The following PCDHGA8 variants were observed in gnomAD, a reference collection of about 807,000 sequenced individuals.
The protein encoded by PCDHGA8 is protocadherin gamma subfamily A, 8.
PCDHGA8 carries 45 observed loss-of-function variants against 59.2 expected under a neutral mutation model. The ratio of observed to expected loss-of-function variants is 0.76; its 90% CI spans 0.60 to 0.98. PCDHGA8 has a LOEUF of 0.98. Ranked by LOEUF, PCDHGA8 falls within the 50% of genes least tolerant of loss-of-function variation. PCDHGA8 has a pLI of 0.00. For synonymous variants in PCDHGA8, 531 were observed against 519.0 expected, an observed-to-expected ratio of 1.02 and a Z score of -0.32; for missense variants, 1,257 against 1,196.2, an observed-to-expected ratio of 1.05 and a Z score of -0.75.
At chr5:141,399,511 C>T in intron 1 of PCDHGA8, 1 of 1,614,042 alleles carries the variant, frequency 6.2e-7, no homozygotes, top group Non-Finnish European at 8.5e-7. Context: ...CGAAAACAAC[C>T]CTCCTGGGGC....
At chr5:141,442,358 A>C (rs2098318223) in intron 1 of PCDHGA8, 1 of 152,304 alleles carries the variant, frequency 6.6e-6, no homozygotes, top group African/African-American at 2.4e-5. Context: ...CTGTAGCTCT[A>C]TGATGCCATA....
intron 1 of PCDHGA8, chr5:141,414,202 G>A: frequency 6.2e-7 from 1 of 1,611,912 alleles, no homozygotes; most frequent in Non-Finnish European, 8.5e-7. Flanking sequence ...TACAGTAGAA[G>A]ATGTAAATGA....
At chr5:141,399,779 G>T in intron 1 of PCDHGA8, 2 of 1,613,282 alleles carry the variant, frequency 1.2e-6, no homozygotes, top group South Asian at 1.1e-5. Flanking sequence ...GTGGGCGACC[G>T]AAACGACAAC....
chr5:141,449,066 A>G (rs1234801725), intron 1 of PCDHGA8, among the ~76,000 whole-genome samples: 3 of 152,188 alleles, frequency 2.0e-5, no homozygotes, highest in African/African-American at 4.8e-5. Context: ...GCGCTATTGA[A>G]TAGCCCTGTA....
In PCDHGA8 at chr5:141,487,493, C is replaced by T; in HGVS notation, c.2425-7314C>T. 6.2e-7 allele frequency: 1 copy of T among 1,614,168 alleles called. No individual in the cohort carries two copies. The highest frequency in any genetic ancestry group is 1.1e-5 in the South Asian group (1 of 91,088). On this transcript the variant is annotated intron_variant, in intron 1 of 3. Coordinates refer to ENST00000398604, the MANE Select transcript of PCDHGA8 (RefSeq NM_032088.2). The surrounding 1 kb of genome is among the most constrained non-coding windows in gnomAD (Gnocchi z 5.0). ...GGGAGGCCACTCTCATGGCTGTACA[C>T]CCTTGGCTTCTGCACCCACTCGGAG...
chr5:141,411,028 T>C (rs2095458130), intron 1 of PCDHGA8: 1 of 163,058 alleles, frequency 6.1e-6, no homozygotes, highest in Admixed American at 6.2e-5. Flanking sequence ...TTTTTTGTAT[T>C]TTTAGTAGAC....
At chr5:141,497,092 G>C (rs2099773958) in intron 2 of PCDHGA8, among the ~76,000 whole-genome samples, 1 of 152,092 alleles carries the variant, frequency 6.6e-6, no homozygotes, top group Admixed American at 6.5e-5. Flanking sequence ...AGGAGGCTGA[G>C]GCAGAACTGC....
intron 1 of PCDHGA8, chr5:141,427,902 C>G: frequency 6.4e-7 from 1 of 1,573,742 alleles, no homozygotes; most frequent in South Asian, 1.1e-5. Flanking sequence ...CTCGCCCGCG[C>G]TCAGCGCCAA....
chr5:141,447,301 G>A (rs557269538), intron 1 of PCDHGA8, among the ~76,000 whole-genome samples: 39 of 152,060 alleles, frequency 2.6e-4, no homozygotes, highest in Non-Finnish European at 1.5e-4. Flanking sequence ...CACCACACCC[G>A]GCTAATTTTT....
intron 1 of PCDHGA8, chr5:141,405,481 G>A: frequency 2.0e-6 from 2 of 992,130 alleles, no homozygotes; most frequent in Middle Eastern, 2.6e-4. Context: ...ATGCAGTGGT[G>A]TGATCTCGGC....
Position 141,476,944 on chromosome 5 carries a change from C to T in PCDHGA8, c.2425-17863C>T, listed in dbSNP as rs1360022622. The T allele has an allele frequency of 3.3e-5, 53 of 1,614,072 alleles. No homozygotes were observed. The highest frequency in any genetic ancestry group is 4.1e-5 in the Non-Finnish European group (48 of 1,180,052). ...CAACGGATCTGGATGAAGGCCCCAACGGTGAAATTATTTACTCCTTCGGCA... is the reference window on the plus strand; with the variant it reads ...CAACGGATCTGGATGAAGGCCCCAATGGTGAAATTATTTACTCCTTCGGCA... On this transcript the variant is annotated intron_variant, in intron 1 of 3. Transcript: ENST00000398604. The surrounding 1 kb of genome is among the most constrained non-coding windows in gnomAD (Gnocchi z 7.6).
rs755177334 is a variant in PCDHGA8, at chr5:141,403,403, C to A, written c.2424+8166C>A. On this transcript the variant is annotated intron_variant, in intron 1 of 3. Coordinates refer to ENST00000398604, the MANE Select transcript of PCDHGA8 (RefSeq NM_032088.2). ...TAACGAAATCGCGGTTCCTGGAGCA[C>A]GTTATCCACTTCCAGAAGCTATTGA... 6.2e-6 allele frequency: 10 copies of A among 1,613,948 alleles called. 1 individual carries two copies. The South Asian group carries it at 1.1e-4, about 18-fold the overall frequency.
chr5:141,489,594 T>A lies in PCDHGA8; in HGVS notation c.2425-5213T>A. The A allele has an allele frequency of 2.5e-6, 4 of 1,614,076 alleles. No homozygotes were observed. Among genetic ancestry groups the A allele is most frequent in the Non-Finnish European group, 3.4e-6 (4 of 1,179,982 alleles). ...CTGAACACCCCCTGGAGCTAATCCG[T>A]GTAGAGGTAGAGATCCTGGATCTCA... On this transcript the variant is annotated intron_variant, in intron 1 of 3. Coordinates refer to ENST00000398604, the MANE Select transcript of PCDHGA8 (RefSeq NM_032088.2). This position sits in a 1 kb window ranked among gnomAD's most constrained non-coding sequence, Gnocchi z 4.5.
chr5:141,464,273 A>G (rs1330533734), intron 1 of PCDHGA8, among the ~76,000 whole-genome samples: 1 of 136,736 alleles, frequency 7.3e-6, no homozygotes, highest in African/African-American at 3.0e-5. Context: ...TAAAAAAAAA[A>G]AAAAGCAAAA....
rs373024642 is a variant in PCDHGA8, at chr5:141,394,378, A to G, written c.1565A>G (p.Tyr522Cys). ...CTGTATGCGCTGCAATCTTTCGACT[A>G]TGAGCAGATCCGAGACCTGCAGCTA... ...GVLYALQSFD[Y>C]EQIRDLQLLV... is the part of the protein sequence containing the mutation. Residue 522 changes from tyrosine to cysteine, a missense_variant, in exon 1 of 4, where the codon TAT (tyrosine) becomes TGT (cysteine). Physicochemically the swap from Tyr to Cys is radical, Grantham distance 194. Coordinates refer to ENST00000398604, the MANE Select transcript of PCDHGA8 (RefSeq NM_032088.2). The G allele has an allele frequency of 5.6e-5, 91 of 1,614,090 alleles. No individual in the cohort carries two copies. The highest frequency in any genetic ancestry group is 6.9e-5 in the Non-Finnish European group (81 of 1,180,034).
Position 141,432,563 on chromosome 5 carries a change from G to T in PCDHGA8, c.2424+37326G>T. 2 of 1,613,912 alleles carry T rather than the reference G, an allele frequency of 1.2e-6. No homozygotes were observed. Among genetic ancestry groups the T allele is most frequent in the Non-Finnish European group, 1.7e-6 (2 of 1,179,996 alleles). The stretch of plus-strand genomic sequence containing the variant: ...GGTGGACAGAGACTCCGGCCAGAAC[G>T]CCTGGCTGTCCTACCGTCTGCTCAA... On this transcript the variant is annotated intron_variant, in intron 1 of 3. Transcript: ENST00000398604. The surrounding 1 kb of genome is among the most constrained non-coding windows in gnomAD (Gnocchi z 6.0).
chr5:141,450,832 T>A (rs192186566), intron 1 of PCDHGA8, among the ~76,000 whole-genome samples: 5,292 of 142,276 alleles, frequency 0.037, 115 homozygotes, highest in Middle Eastern at 0.096. Flanking sequence ...TATTATTATT[T>A]TTTTTTTTTT....
chr5:141,506,304 C>A (rs569926873), intron 3 of PCDHGA8, among the ~76,000 whole-genome samples: 3 of 152,078 alleles, frequency 2.0e-5, no homozygotes, highest in Non-Finnish European at 4.4e-5. Context: ...CAAAAATTAG[C>A]TGGGCATGGT....
At chr5:141,451,779 G>T (rs1284464259) in intron 1 of PCDHGA8, among the ~76,000 whole-genome samples, 1 of 152,070 alleles carries the variant, frequency 6.6e-6, no homozygotes, top group Non-Finnish European at 1.5e-5. Flanking sequence ...TACTCAGGAG[G>T]CTGAGGCCAG....
Sources: allele counts gnomAD v4.1 joint callset (sites outside exome capture counted in the v4.1 genomes callset), GRCh38; gene constraint gnomAD v4.1.1; non-coding constraint Gnocchi (gnomAD v3.1); transcripts MANE v1.5; gene names NCBI Gene and HGNC (gene_info 2026-07-23, HGNC 2026-07-21).